Variants in CCDC171 observed in about 807,000 individuals in gnomAD.
The protein encoded by CCDC171 is coiled-coil domain containing 171.
In CCDC171, 177 loss-of-function variants were observed where a neutral mutation model predicts 168.2. The ratio of observed to expected loss-of-function variants is 1.05; its 90% confidence interval spans 0.93 to 1.19. CCDC171 has a LOEUF of 1.19. Ranked by LOEUF, CCDC171 falls within the 50% of genes most tolerant of loss-of-function variation. The pLI is 0.00. For missense variants in CCDC171, 1,991 were observed against 1,539.0 expected, an observed-to-expected ratio of 1.29 and a Z score of -4.91; for synonymous variants, 687 against 540.8, an observed-to-expected ratio of 1.27 and a Z score of -3.75.
intron 25 of CCDC171, among the ~76,000 whole-genome samples, chr9:15,958,653 C>T (rs1589249791): frequency 1.3e-5 from 2 of 151,644 alleles, no homozygotes; most frequent in African/African-American, 4.8e-5. Context: ...GATGAAGAAG[C>T]CTCCTTCTAA....
chr9:15,982,361 C>A (rs949972351), intron 3 of CCDC171, among the ~76,000 whole-genome samples: 2 of 152,156 alleles, frequency 1.3e-5, no homozygotes, highest in Admixed American at 6.5e-5. Context: ...CCTCAGATTC[C>A]TCTCAGGGAA....
intron 21 of CCDC171, among the ~76,000 whole-genome samples, chr9:15,785,965 A>C (rs2057930871): frequency 6.6e-6 from 1 of 151,942 alleles, no homozygotes; most frequent in South Asian, 2.1e-4. Flanking sequence ...ACTGGGATTT[A>C]GTTTTCAGGA....
At chr9:15,979,184 G>A (rs1423667025) in intron 3 of CCDC171, among the ~76,000 whole-genome samples, 1 of 151,992 alleles carries the variant, frequency 6.6e-6, no homozygotes, top group Non-Finnish European at 1.5e-5. Flanking sequence ...AAATAGTTTT[G>A]TGGTGTGAAT....
intron 19 of CCDC171, among the ~76,000 whole-genome samples, chr9:15,778,213 C>T (rs1006314170): frequency 8.9e-5 from 13 of 146,690 alleles, no homozygotes; most frequent in Non-Finnish European, 1.9e-4. Context: ...AGGAGAATGG[C>T]GTGAACCCGG....
At chr9:15,626,688 A>G (rs1203102379) in intron 7 of CCDC171, among the ~76,000 whole-genome samples, 1 of 152,086 alleles carries the variant, frequency 6.6e-6, no homozygotes, top group Non-Finnish European at 1.5e-5. Flanking sequence ...TGGATAAGCT[A>G]TTTGATGTGC....
chr9:15,711,533 A>G (rs1409922243), intron 11 of CCDC171, among the ~76,000 whole-genome samples: 4 of 152,234 alleles, frequency 2.6e-5, no homozygotes, highest in Non-Finnish European at 5.9e-5. Context: ...GAATATTAAG[A>G]ATTATAAATA....
intron 7 of CCDC171, among the ~76,000 whole-genome samples, chr9:15,645,330 C>G (rs186169392): frequency 8.0e-6 from 1 of 125,094 alleles, no homozygotes. Context: ...AATCAGAGCT[C>G]TTCTACCTCT....
At chr9:16,042,544 G>A (rs1833589437), upstream of CCDC171, among the ~76,000 whole-genome samples, 1 of 152,286 alleles carries the variant, frequency 6.6e-6, no homozygotes. Context: ...TATAACCCCT[G>A]AGGACAAAGT....
intron 7 of CCDC171, among the ~76,000 whole-genome samples, chr9:15,654,209 A>C (rs186174173): frequency 6.6e-6 from 1 of 152,200 alleles, no homozygotes; most frequent in Non-Finnish European, 1.5e-5. Context: ...TGTAAAAAAA[A>C]AAAACCAAAA....
chr9:15,705,608 C>T (rs149303000), intron 11 of CCDC171, among the ~76,000 whole-genome samples: 1 of 152,334 alleles, frequency 6.6e-6, no homozygotes, highest in Non-Finnish European at 1.5e-5. Context: ...CTCACCTTGT[C>T]CATGAAGCTT....
chr9:15,565,857 C>G (rs903513681), intron 2 of CCDC171, among the ~76,000 whole-genome samples: 5 of 152,140 alleles, frequency 3.3e-5, no homozygotes, highest in Non-Finnish European at 7.4e-5. Flanking sequence ...TTTTTGTTTC[C>G]CTTAGGTAGA....
intron 25 of CCDC171, among the ~76,000 whole-genome samples, chr9:15,955,122 C>G (rs570295642): frequency 1.3e-5 from 2 of 152,188 alleles, no homozygotes; most frequent in Admixed American, 6.5e-5. Context: ...CTGTAGCTAT[C>G]TGTGTGTCAA....
intron 1 of CCDC171, among the ~76,000 whole-genome samples, chr9:15,556,358 G>T (rs1170571261): frequency 2.0e-5 from 3 of 152,140 alleles, no homozygotes; most frequent in Admixed American, 2.0e-4. Flanking sequence ...TCCCACCAAC[G>T]GTGTAAAAGT....
upstream of CCDC171, among the ~76,000 whole-genome samples, chr9:16,039,007 C>T (rs1833527220): frequency 6.6e-6 from 1 of 152,062 alleles, no homozygotes; most frequent in African/African-American, 2.4e-5. Context: ...AACTTGAAGT[C>T]CCAAGAGGAA....
At chr9:15,833,958 C>T (rs985156999) in intron 21 of CCDC171, among the ~76,000 whole-genome samples, 6 of 152,120 alleles carry the variant, frequency 3.9e-5, no homozygotes, top group African/African-American at 1.4e-4. Context: ...GTAAGACTTT[C>T]TCTCTTAGAA....
rs547940109 is a variant in CCDC171 at position 15,686,489 on chromosome 9, T to C, written c.1215+7593T>C. On this transcript the variant is annotated intron_variant, in intron 10 of 25. Transcript: ENST00000380701. ...GAGATCGCGCCACTGCACTCCAGCT[T>C]GGGCAACAGAGTGAGACTCCATCTA... Among the ~76,000 whole-genome samples the C allele has an allele frequency of 7.9e-5, 12 of 151,816 alleles. No individual in the cohort carries two copies. In the South Asian group the frequency reaches 2.5e-3, roughly 32 times the overall value.
chr9:15,611,273 C>G (rs1455687547), intron 6 of CCDC171, among the ~76,000 whole-genome samples: 1 of 152,174 alleles, frequency 6.6e-6, no homozygotes, highest in Non-Finnish European at 1.5e-5. Flanking sequence ...TATTAAACCT[C>G]TTTTCTTTAT....
chr9:15,809,703 G>T (rs2059246935), intron 21 of CCDC171, among the ~76,000 whole-genome samples: 1 of 152,186 alleles, frequency 6.6e-6, no homozygotes, highest in South Asian at 2.1e-4. Context: ...GACCTTCGTG[G>T]TGAGTGTTAC....
the CCDC171 span, among the ~76,000 whole-genome samples, chr9:16,081,248 A>T: frequency 1.3e-5 from 2 of 152,080 alleles, no homozygotes; most frequent in African/African-American, 4.8e-5. Context: ...TGGATATTCA[A>T]CCCTTATACC....
Sources: allele counts gnomAD v4.1 joint callset (sites outside exome capture counted in the v4.1 genomes callset), GRCh38; gene constraint gnomAD v4.1.1; transcripts MANE v1.5; gene names NCBI Gene and HGNC (gene_info 2026-07-23, HGNC 2026-07-21).